Variants in NTM observed in about 807,000 individuals in gnomAD.
NTM encodes the protein IgLON family member 2.
NTM carries 13 observed loss-of-function variants against 42.1 expected under a neutral mutation model. That is an observed-to-expected ratio of 0.31 (90% confidence interval 0.20 to 0.49). The LOEUF (loss-of-function observed/expected upper bound fraction) is 0.49. NTM is among the 20% of genes least tolerant of loss of function. NTM has a pLI of 0.99. For missense variants in NTM, 373 were observed against 452.8 expected (o/e 0.82, Z 1.60); for synonymous variants, 187 against 179.2 (o/e 1.04, Z -0.35).
intron 4 of NTM, among the ~76,000 whole-genome samples, chr11:132,272,495 C>G (rs2093528548): frequency 6.6e-6 from 1 of 152,054 alleles, no homozygotes; most frequent in African/African-American, 2.4e-5. Flanking sequence ...ATTAAGCCTT[C>G]CAATTCATGA....
At chr11:132,190,194 A>G (rs971092894) in intron 3 of NTM, among the ~76,000 whole-genome samples, 1 of 152,178 alleles carries the variant, frequency 6.6e-6, no homozygotes, top group Admixed American at 6.5e-5. Context: ...ATGAGAAGAG[A>G]GAGACATCAG....
intron 1 of NTM, chr11:131,581,968 T>C (rs2512892): frequency 0.61 from 92,068 of 151,944 alleles, 28,149 homozygotes; most frequent in South Asian, 0.68. Context: ...GGTGCCCTGC[T>C]CACAGAGGAA....
intron 2 of NTM, among the ~76,000 whole-genome samples, chr11:132,084,525 T>C (rs181865407): frequency 6.6e-6 from 1 of 152,304 alleles, no homozygotes; most frequent in African/African-American, 2.4e-5. Context: ...AAGAGAGAGT[T>C]CAAGAAAGAC....
intron 1 of NTM, among the ~76,000 whole-genome samples, chr11:131,422,600 C>T (rs987206214): frequency 2.0e-5 from 3 of 152,180 alleles, no homozygotes; most frequent in Non-Finnish European, 4.4e-5. Context: ...GGGCCATCCT[C>T]CCCGCTCCAA....
intron 1 of NTM, among the ~76,000 whole-genome samples, chr11:131,490,651 C>T (rs1447926452): frequency 6.6e-6 from 1 of 152,146 alleles, no homozygotes; most frequent in African/African-American, 2.4e-5. Flanking sequence ...GAACTGTCTG[C>T]TTGCAAGATT....
At chr11:132,298,580 G>C (rs556643956) in intron 4 of NTM, among the ~76,000 whole-genome samples, 1 of 151,148 alleles carries the variant, frequency 6.6e-6, no homozygotes, top group East Asian at 1.9e-4. Flanking sequence ...GTTGTTATGG[G>C]AAGGGATGGG....
At chr11:131,959,208 A>G (rs773578316) in intron 2 of NTM, among the ~76,000 whole-genome samples, 3 of 152,158 alleles carry the variant, frequency 2.0e-5, no homozygotes, top group Non-Finnish European at 4.4e-5. Flanking sequence ...CTGCCCGCAG[A>G]TTTGCCCAAT....
intron 4 of NTM, among the ~76,000 whole-genome samples, chr11:132,213,985 C>T (rs892503476): frequency 4.9e-5 from 3 of 61,612 alleles, no homozygotes; most frequent in African/African-American, 1.4e-4. Context: ...CCGCCCGCCT[C>T]GGCCTCCCAA....
At chr11:131,416,377 A>G (rs565305530) in intron 1 of NTM, among the ~76,000 whole-genome samples, 1 of 152,292 alleles carries the variant, frequency 6.6e-6, no homozygotes, top group African/African-American at 2.4e-5. Flanking sequence ...TTTCACTTAC[A>G]CATTTGCTGC....
chr11:131,527,129 C>T (rs1480996348), intron 1 of NTM, among the ~76,000 whole-genome samples: 1 of 152,186 alleles, frequency 6.6e-6, no homozygotes, highest in Non-Finnish European at 1.5e-5. Flanking sequence ...GTCTGATGTA[C>T]CTATGTGTAA....
chr11:132,118,208 A>C (rs1024368656), intron 2 of NTM, among the ~76,000 whole-genome samples: 1 of 151,862 alleles, frequency 6.6e-6, no homozygotes. Flanking sequence ...TTTTTTTTTA[A>C]CTTCCCTATT....
chr11:131,933,697 C>T (rs1311004426), intron 2 of NTM, among the ~76,000 whole-genome samples: 1 of 151,886 alleles, frequency 6.6e-6, no homozygotes, highest in African/African-American at 2.4e-5. Context: ...AACCTATACC[C>T]AAGCAGAATA....
intron 1 of NTM, among the ~76,000 whole-genome samples, chr11:131,865,556 C>A (rs1190871345): frequency 1.3e-5 from 2 of 152,220 alleles, no homozygotes; most frequent in African/African-American, 4.8e-5. Flanking sequence ...CTAGCAGATT[C>A]TTAGTACAGT....
At chr11:132,113,987 G>A (rs1263407321) in intron 2 of NTM, among the ~76,000 whole-genome samples, 1 of 152,098 alleles carries the variant, frequency 6.6e-6, no homozygotes, top group East Asian at 1.9e-4. Flanking sequence ...TTCTTTTCAT[G>A]TCATTCTTCA....
chr11:131,812,908 G>A (rs2092797874), intron 1 of NTM, among the ~76,000 whole-genome samples: 1 of 152,176 alleles, frequency 6.6e-6, no homozygotes, highest in Non-Finnish European at 1.5e-5. Context: ...GCCAGGAGAT[G>A]AGGCTGGAGA....
intron 3 of NTM, among the ~76,000 whole-genome samples, chr11:132,159,155 A>G (rs2073813007): frequency 1.3e-5 from 2 of 152,188 alleles, no homozygotes; most frequent in Non-Finnish European, 2.9e-5. Context: ...AGATTGTATT[A>G]TCCTGTGTTC....
intron 4 of NTM, among the ~76,000 whole-genome samples, chr11:132,268,178 A>G (rs2093304340): frequency 6.6e-6 from 1 of 152,236 alleles, no homozygotes; most frequent in African/African-American, 2.4e-5. Flanking sequence ...CTTTCTCCTT[A>G]CAACATAGTA....
intron 3 of NTM, among the ~76,000 whole-genome samples, chr11:132,154,798 G>A (rs1245922359): frequency 1.3e-5 from 2 of 152,202 alleles, no homozygotes; most frequent in East Asian, 3.9e-4. Context: ...AATGTCGCCT[G>A]CAGTAAATAA....
rs551874845 is a variant in NTM, at chr11:132,073,379, T to C, written c.168-72903T>C. ...ACTTAATGAAGCAATATTTATGTAATGATTTGGTGGTGTAAATGTCCCCAG... is the reference window on the plus strand; with the variant it reads ...ACTTAATGAAGCAATATTTATGTAACGATTTGGTGGTGTAAATGTCCCCAG... On this transcript the variant is annotated intron_variant, in intron 2 of 8. Coordinates refer to ENST00000683400, the MANE Select transcript of NTM (RefSeq NM_001352005.2). Among the ~76,000 whole-genome samples the C allele has an allele frequency of 2.6e-5, 4 of 152,324 alleles. No homozygotes were observed. The South Asian group carries it at 8.3e-4, about 32-fold the overall frequency.
Sources: allele counts gnomAD v4.1 joint callset (sites outside exome capture counted in the v4.1 genomes callset), GRCh38; gene constraint gnomAD v4.1.1; transcripts MANE v1.5; gene names NCBI Gene and HGNC (gene_info 2026-07-23, HGNC 2026-07-21).